CCSER2: variants seen among roughly 807,000 people sequenced by gnomAD.
CCSER2 encodes the protein serine-rich coiled-coil domain-containing protein 2.
A neutral mutation model predicts 92.3 loss-of-function variants in CCSER2; 46 were observed. The observed-to-expected ratio is 0.50, with a 90% CI of 0.39 to 0.64. The LOEUF is 0.64. Among genes scored for constraint, CCSER2 ranks in the 30% least tolerant of loss-of-function variants. The pLI, the probability that CCSER2 is intolerant of heterozygous loss-of-function variation, is 0.00. For synonymous variants in CCSER2, 433 were observed against 431.4 expected, an observed-to-expected ratio of 1.00 and a Z score of -0.04; for missense variants, 1,244 against 1,238.9, an observed-to-expected ratio of 1.00 and a Z score of -0.06.
intron 3 of CCSER2, among the ~76,000 whole-genome samples, chr10:84,384,529 C>T (rs1365462586): frequency 6.6e-6 from 1 of 152,144 alleles, no homozygotes; most frequent in Non-Finnish European, 1.5e-5. Flanking sequence ...TCCATATGAT[C>T]ATCTCAATAG....
rs1160681619 is a variant in CCSER2, at chr10:84,436,325, CAAAAAAAAAA to C, written c.1869-2168_1869-2159del. On this transcript the variant is annotated intron_variant, in intron 5 of 9. Coordinates refer to ENST00000372088, the MANE Select transcript of CCSER2 (RefSeq NM_001284240.2). ...TGGGCGACAGAGCGAGACTCCGTCT[CAAAAAAAAAA>C]AAAAAAAAAAAAAAAAAATGCCGGG... Among the ~76,000 whole-genome samples, 93 of 14,340 alleles carry C rather than the reference CAAAAAAAAAA, an allele frequency of 6.5e-3. 2 individuals carry two copies. The highest frequency in any genetic ancestry group is 0.033 in the African/African-American group (77 of 2,340). 9.4% of individuals were successfully genotyped at this position (14,340 alleles called of 152,430 possible). A position where few individuals can be genotyped will look rare whatever the true frequency, so the allele number is the denominator to read the frequency against.
intron 9 of CCSER2, chr10:84,507,406 G>T: frequency 1.9e-6 from 1 of 517,802 alleles, no homozygotes; most frequent in Non-Finnish European, 2.5e-6. Flanking sequence ...TTTCCAGTTT[G>T]CATGATGCAT....
chr10:84,513,360 A>G, intron 9 of CCSER2, 89 bp from the exon 10 acceptor site: 2 of 1,001,766 alleles, frequency 2.0e-6, no homozygotes, highest in East Asian at 4.8e-5. Context: ...AAGCCATAAT[A>G]AGTACCAACA....
At chr10:84,444,207 T>C (rs1475541894) in intron 6 of CCSER2, among the ~76,000 whole-genome samples, 1 of 152,162 alleles carries the variant, frequency 6.6e-6, no homozygotes, top group Non-Finnish European at 1.5e-5. Context: ...TAGGGCAGGT[T>C]GTCAAGGACC....
intron 3 of CCSER2, among the ~76,000 whole-genome samples, chr10:84,416,789 G>T (rs11594328): frequency 6.6e-6 from 1 of 151,990 alleles, no homozygotes; most frequent in Non-Finnish European, 1.5e-5. Context: ...AAATTAGCCA[G>T]GCATGGTGGT....
At chr10:84,428,471 AACAG>A (rs1843563215) in intron 5 of CCSER2, among the ~76,000 whole-genome samples, 2 of 152,196 alleles carry the variant, frequency 1.3e-5, no homozygotes, top group South Asian at 4.2e-4. Context: ...CCTGGCTCCT[AACAG>A]ACCACAGACT....
chr10:84,458,995 G>A (rs139959919), intron 6 of CCSER2, among the ~76,000 whole-genome samples: 6 of 152,050 alleles, frequency 3.9e-5, no homozygotes, highest in African/African-American at 7.2e-5. Context: ...CTAAATTCAT[G>A]TACTAGTTCT....
At chr10:84,359,647 G>GTGTTTC (rs1382432891) in intron 1 of CCSER2, among the ~76,000 whole-genome samples, 6 of 152,102 alleles carry the variant, frequency 3.9e-5, no homozygotes, top group African/African-American at 1.4e-4. Context: ...GTTAAATGTA[G>GTGTTTC]AGATCCAGGG....
At chr10:84,499,665 T>A (rs1848619932) in intron 9 of CCSER2, among the ~76,000 whole-genome samples, 1 of 152,176 alleles carries the variant, frequency 6.6e-6, no homozygotes, top group South Asian at 2.1e-4. Flanking sequence ...AGGAAAATAA[T>A]TTTTTAAAAA....
rs1844328082 is a variant in CCSER2, at chr10:84,438,559, G to A, written c.1916G>A (p.Gly639Glu). The A allele has an allele frequency of 1.2e-6, 2 of 1,613,672 alleles. No individual in the cohort carries two copies. Among genetic ancestry groups the A allele is most frequent in the African/African-American group, 1.3e-5 (1 of 75,028 alleles). ...CCTTTGGGTCATTTTGAAAGCTATG[G>A]AGGGATGCCCTTTTTCCAGGCTCAG... ...ESPLGHFESY[G>E]GMPFFQAQKM... The change falls in exon 6 of 10, where the codon GGA becomes GAA. Residue 639 changes from glycine (G) to glutamate (E), a missense_variant. By Grantham distance (98) the Gly-to-Glu change is moderately conservative. Transcript: ENST00000372088.
rs547306086 is a variant in CCSER2 at position 84,328,618 on chromosome 10, G to A, written c.-230G>A. ...TCCGGGCGGGCGCCGGCCGAGGGAG[G>A]GGGCGCGGCGGCTTTGGAGTCCGGC... On this transcript the variant is annotated 5_prime_UTR_variant, in exon 1 of 10. Transcript: ENST00000372088. 1.3e-5 allele frequency: 2 copies of A among 150,764 alleles called. No homozygotes were observed. The highest frequency in any genetic ancestry group is 3.0e-5 in the Non-Finnish European group (2 of 67,606). 9.3% of individuals were successfully genotyped at this position (150,764 alleles called of 1,614,324 possible).
chr10:84,459,890 A>T (rs1845997820), intron 6 of CCSER2, among the ~76,000 whole-genome samples: 1 of 151,802 alleles, frequency 6.6e-6, no homozygotes, highest in African/African-American at 2.4e-5. Flanking sequence ...AGTTTTTTTT[A>T]AATCCTGATT....
At chr10:84,454,157 C>G (rs1042941643) in intron 6 of CCSER2, among the ~76,000 whole-genome samples, 4 of 152,170 alleles carry the variant, frequency 2.6e-5, no homozygotes, top group African/African-American at 9.7e-5. Flanking sequence ...TGCGTTTCTT[C>G]TACCTTCTAA....
intron 1 of CCSER2, among the ~76,000 whole-genome samples, chr10:84,347,402 G>T (rs1186359836): frequency 6.7e-6 from 1 of 148,168 alleles, no homozygotes; most frequent in East Asian, 2.0e-4. Context: ...TGGCCGGGGA[G>T]GGGGGGTGCT....
At chr10:84,348,093 A>G (rs1026735939) in intron 1 of CCSER2, among the ~76,000 whole-genome samples, 3 of 152,212 alleles carry the variant, frequency 2.0e-5, no homozygotes, top group Non-Finnish European at 2.9e-5. Context: ...TTGGGAGGCC[A>G]AGGCAGGCGG....
chr10:84,486,050 A>G (rs559935712), intron 9 of CCSER2, among the ~76,000 whole-genome samples: 90 of 152,288 alleles, frequency 5.9e-4, no homozygotes, highest in African/African-American at 2.0e-3. Context: ...AGCTTCATCC[A>G]TGTCCCTACA....
chr10:84,464,875 C>G (rs1000329037), intron 7 of CCSER2, among the ~76,000 whole-genome samples: 3 of 152,072 alleles, frequency 2.0e-5, no homozygotes, highest in Non-Finnish European at 4.4e-5. Context: ...GGGGCCAGGC[C>G]TGGAATTAAT....
At chr10:84,342,703 C>T (rs916350022) in intron 1 of CCSER2, among the ~76,000 whole-genome samples, 20 of 151,404 alleles carry the variant, frequency 1.3e-4, no homozygotes, top group Non-Finnish European at 1.5e-5. Flanking sequence ...TTTTTTTTTG[C>T]GTTGTGTACT....
intron 5 of CCSER2, among the ~76,000 whole-genome samples, chr10:84,436,272 G>A (rs1172125573): frequency 1.5e-5 from 2 of 131,830 alleles, no homozygotes; most frequent in Non-Finnish European, 3.1e-5. Context: ...CTTGCAGTGA[G>A]CCGAGATCAC....
Sources: allele counts gnomAD v4.1 joint callset (sites outside exome capture counted in the v4.1 genomes callset), GRCh38; gene constraint gnomAD v4.1.1; transcripts MANE v1.5; gene names NCBI Gene and HGNC (gene_info 2026-07-23, HGNC 2026-07-21).